The following C4orf51 variants were observed in gnomAD, a reference collection of about 807,000 sequenced individuals.
C4orf51 encodes uncharacterized protein C4orf51.
Under a neutral mutation model 25.2 loss-of-function variants are expected in C4orf51, and 25 were observed. That is an observed-to-expected ratio of 0.99 (90% CI 0.72 to 1.39). The LOEUF is 1.39. Among genes scored for constraint, C4orf51 ranks in the 40% most tolerant of loss-of-function variants. The pLI is 0.00. For synonymous variants in C4orf51, 100 were observed against 84.5 expected, an observed-to-expected ratio of 1.18 and a Z score of -1.01; for missense variants, 252 against 239.6, an observed-to-expected ratio of 1.05 and a Z score of -0.34.
At position 145,765,611 on chromosome 4, in the gene C4orf51, C is replaced by G; in HGVS notation, n.167-5377C>G. ...TCCCAGGCATGACAGAGATGACCAGCAGATTGTTCCCGCCCTTGTTTTTCT... is the reference window on the plus strand; with the variant it reads ...TCCCAGGCATGACAGAGATGACCAGGAGATTGTTCCCGCCCTTGTTTTTCT... On this transcript the variant is annotated intron_variant and non_coding_transcript_variant, in intron 1 of 1. Coordinates refer to the C4orf51 transcript ENST00000510096. This position sits in a 1 kb window ranked among gnomAD's most constrained non-coding sequence, Gnocchi z 4.7. The G allele has an allele frequency of 6.2e-7, 1 of 1,614,134 alleles. No homozygotes were observed.
At chr4:145,682,285 A>G (rs1008688737) in intron 1 of C4orf51, among the ~76,000 whole-genome samples, 1 of 152,232 alleles carries the variant, frequency 6.6e-6, no homozygotes, top group African/African-American at 2.4e-5. Context: ...AGCAAGTGTT[A>G]TAAATGAAGA....
At chr4:145,689,074 G>T (rs1168853036) in intron 1 of C4orf51, among the ~76,000 whole-genome samples, 1 of 152,116 alleles carries the variant, frequency 6.6e-6, no homozygotes, top group Admixed American at 6.6e-5. Context: ...CATAAAAAAA[G>T]ACAGCAGAGT....
chr4:145,779,152 T>C, the C4orf51 span, among the ~76,000 whole-genome samples: 1 of 152,252 alleles, frequency 6.6e-6, no homozygotes, highest in African/African-American at 2.4e-5. Flanking sequence ...AAATTGTGTA[T>C]ATTTTCTCAT....
At chr4:145,723,891 C>T (rs989425285) in intron 2 of C4orf51, among the ~76,000 whole-genome samples, 7 of 152,176 alleles carry the variant, frequency 4.6e-5, no homozygotes, top group African/African-American at 1.7e-4. Flanking sequence ...AACCGTACTC[C>T]AACATATGTG....
At chr4:145,785,968 G>T in the C4orf51 span, among the ~76,000 whole-genome samples, 1 of 152,298 alleles carries the variant, frequency 6.6e-6, no homozygotes, top group East Asian at 1.9e-4. Flanking sequence ...GTTAGAAAGT[G>T]TAATATGTCA....
At position 145,761,140 on chromosome 4, in the gene C4orf51, G is replaced by A. The variant is rs986118075; in HGVS notation, n.167-9848G>A. ...CAGGAGCGGGGCCCCCGGGCCGGCC[G>A]GTTCCTTGGGGGCTGGACACAGGCC... On this transcript the variant is annotated intron_variant and non_coding_transcript_variant, in intron 1 of 1. Transcript: ENST00000510096. This position sits in a 1 kb window ranked among gnomAD's most constrained non-coding sequence, Gnocchi z 6.8. 1.6e-6 allele frequency: 2 copies of A among 1,289,628 alleles called. No individual in the cohort carries two copies. Among genetic ancestry groups the A allele is most frequent in the African/African-American group, 1.5e-5 (1 of 65,856 alleles). The allele number at this position is 1,289,628 out of a possible 1,614,324, so 79.9% of individuals were successfully genotyped here.
intron 1 of C4orf51, among the ~76,000 whole-genome samples, chr4:145,689,420 T>C (rs1729391550): frequency 6.6e-6 from 1 of 151,974 alleles, no homozygotes; most frequent in Non-Finnish European, 1.5e-5. Flanking sequence ...TCTATATACA[T>C]ATATGTGTAT....
At position 145,761,130 on chromosome 4, in the gene C4orf51, C is replaced by T. The variant is rs578232353; in HGVS notation, n.167-9858C>T. 15 of 1,289,616 alleles carry T rather than the reference C, an allele frequency of 1.2e-5. No individual in the cohort carries two copies. The highest frequency in any genetic ancestry group is 1.5e-5 in the African/African-American group (1 of 65,992). The allele number at this position is 1,289,616 out of a possible 1,614,324, so 79.9% of individuals were successfully genotyped here. ...TCCCGACCACCAGGAGCGGGGCCCC[C>T]GGGCCGGCCGGTTCCTTGGGGGCTG... is the stretch of plus-strand genomic sequence containing the variant. On this transcript the variant is annotated intron_variant and non_coding_transcript_variant, in intron 1 of 1. Coordinates refer to the C4orf51 transcript ENST00000510096. The surrounding 1 kb of genome is among the most constrained non-coding windows in gnomAD (Gnocchi z 6.8).
intron 1 of C4orf51, among the ~76,000 whole-genome samples, chr4:145,681,363 C>A (rs1728829203): frequency 6.6e-6 from 1 of 152,190 alleles, no homozygotes. Context: ...TCCAAATCAT[C>A]AAAACAAGTA....
the C4orf51 span, among the ~76,000 whole-genome samples, chr4:145,777,096 A>G: frequency 1.3e-5 from 2 of 152,236 alleles, no homozygotes; most frequent in Non-Finnish European, 2.9e-5. Flanking sequence ...CACAGAGAAG[A>G]ACATGGAAAA....
In C4orf51 at chr4:145,732,759, G is replaced by C. The variant is rs1283163486; in HGVS notation, c.*199G>C. ...TTTTAATTGGTGGAGAGAGACAAAA[G>C]TTTTTATAATCTTTATTAAATTTTC... On this transcript the variant is annotated 3_prime_UTR_variant, in exon 6 of 6. Coordinates refer to ENST00000438731, the MANE Select transcript of C4orf51 (RefSeq NM_001080531.3). The C allele has an allele frequency of 1.6e-5, 7 of 433,576 alleles. No individual in the cohort carries two copies. The highest frequency in any genetic ancestry group is 2.8e-5 in the Non-Finnish European group (7 of 245,930). The allele number at this position is 433,576 out of a possible 1,614,324, so 26.9% of individuals were successfully genotyped here. A position where few individuals can be genotyped will look rare whatever the true frequency, so the allele number is the denominator to read the frequency against.
intron 1 of C4orf51, among the ~76,000 whole-genome samples, chr4:145,752,197 C>T (rs1035828833): frequency 3.0e-4 from 46 of 152,282 alleles, no homozygotes; most frequent in African/African-American, 1.1e-3. Flanking sequence ...TTGTTTTTCC[C>T]TCTGCTTATC....
chr4:145,759,423 A>C (rs1462336456), intron 1 of C4orf51: 1 of 152,244 alleles, frequency 6.6e-6, no homozygotes, highest in East Asian at 1.9e-4. Flanking sequence ...CTTTTAAATA[A>C]GTATAAAGTT....
intron 1 of C4orf51, chr4:145,764,948 A>G: frequency 6.2e-7 from 1 of 1,608,472 alleles, no homozygotes; most frequent in Non-Finnish European, 8.5e-7. Flanking sequence ...AGGGTATTTA[A>G]TAACAACGCA....
At chr4:145,729,039 GC>G in intron 3 of C4orf51, 129 bp from the exon 4 acceptor site, 2 of 665,008 alleles carry the variant, frequency 3.0e-6, no homozygotes, top group Non-Finnish European at 5.3e-6. Flanking sequence ...CACAGTGGTG[GC>G]TTTTGACAGC....
At chr4:145,729,866 A>T (rs780817274) in intron 4 of C4orf51, 26 bp from the exon 5 acceptor site, 19 of 1,597,258 alleles carry the variant, frequency 1.2e-5, no homozygotes, top group Non-Finnish European at 1.6e-5. Context: ...GCAAACACTC[A>T]CACATTGGCT....
At chr4:145,779,841 G>C in the C4orf51 span, among the ~76,000 whole-genome samples, 5 of 152,222 alleles carry the variant, frequency 3.3e-5, no homozygotes, top group African/African-American at 4.8e-5. Context: ...TAAATGAGTT[G>C]CCTGAGTTGC....
At position 145,761,264 on chromosome 4, in the gene C4orf51, T is replaced by A; in HGVS notation, n.167-9724T>A. The stretch of plus-strand genomic sequence containing the variant: ...GTCTTGAACAGGCACTCTTCGCAGC[T>A]GAAGGTCTGGCGTGGGGCGTGCTTC... On this transcript the variant is annotated intron_variant and non_coding_transcript_variant, in intron 1 of 1. Transcript: ENST00000510096. The surrounding 1 kb of genome is among the most constrained non-coding windows in gnomAD (Gnocchi z 6.8). 1 of 1,289,906 alleles carries A rather than the reference T, an allele frequency of 7.8e-7. No individual in the cohort carries two copies. Among genetic ancestry groups the A allele is most frequent in the African/African-American group, 1.5e-5 (1 of 66,004 alleles). The allele number at this position is 1,289,906 out of a possible 1,614,324, so 79.9% of individuals were successfully genotyped here.
chr4:145,769,606 G>A (rs1459191307), intron 1 of C4orf51, among the ~76,000 whole-genome samples: 1 of 152,172 alleles, frequency 6.6e-6, no homozygotes, highest in Non-Finnish European at 1.5e-5. Flanking sequence ...GTAATCCCTA[G>A]TCCAAACAGC....
Sources: allele counts gnomAD v4.1 joint callset (sites outside exome capture counted in the v4.1 genomes callset), GRCh38; gene constraint gnomAD v4.1.1; non-coding constraint Gnocchi (gnomAD v3.1); transcripts MANE v1.5; gene names NCBI Gene and HGNC (gene_info 2026-07-23, HGNC 2026-07-21).